Variants in KIF6 observed in about 807,000 individuals in gnomAD.
KIF6 encodes kinesin-like protein KIF6.
In KIF6, 106 loss-of-function variants were observed where a neutral mutation model predicts 112.7. The observed-to-expected ratio is 0.94, with a 90% CI of 0.80 to 1.11. KIF6 has a LOEUF of 1.11. Ranked by LOEUF, KIF6 falls within the 50% of genes least tolerant of loss-of-function variation. The pLI is 0.00. For synonymous variants in KIF6, 339 were observed against 339.9 expected, an observed-to-expected ratio of 1.00 and a Z score of 0.03; for missense variants, 929 against 964.0, an observed-to-expected ratio of 0.96 and a Z score of 0.48.
intron 9 of KIF6, 54 bp downstream of exon 9, chr6:39,584,844 T>A: frequency 8.9e-7 from 1 of 1,124,398 alleles, no homozygotes; most frequent in Non-Finnish European, 1.3e-6. Context: ...AAGTTTTAGC[T>A]AATCTTTGAT....
intron 3 of KIF6, among the ~76,000 whole-genome samples, chr6:39,659,191 C>T (rs972716488): frequency 1.3e-5 from 2 of 152,160 alleles, no homozygotes; most frequent in African/African-American, 2.4e-5. Flanking sequence ...CATAAAGATG[C>T]ATACAATAGG....
At chr6:39,402,482 G>T (rs919509886) in intron 15 of KIF6, among the ~76,000 whole-genome samples, 1 of 152,038 alleles carries the variant, frequency 6.6e-6, no homozygotes, top group African/African-American at 2.4e-5. Context: ...ATAACCAAAC[G>T]GTCTTTAAGT....
chr6:39,697,628 C>T (rs149768765), intron 3 of KIF6, among the ~76,000 whole-genome samples: 3,283 of 151,818 alleles, frequency 0.022, 107 homozygotes, highest in African/African-American at 0.075. Flanking sequence ...CTGTGACCTC[C>T]GCCTCCCAGG....
intron 13 of KIF6, among the ~76,000 whole-genome samples, chr6:39,447,431 C>T (rs1000355773): frequency 6.6e-6 from 1 of 152,026 alleles, no homozygotes; most frequent in Non-Finnish European, 1.5e-5. Context: ...ATTTCCCCCA[C>T]TGGATTATTT....
At chr6:39,534,022 T>G (rs1428847723) in intron 13 of KIF6, among the ~76,000 whole-genome samples, 1 of 152,058 alleles carries the variant, frequency 6.6e-6, no homozygotes, top group East Asian at 1.9e-4. Context: ...GAAGGAAAAC[T>G]AACAAACAGA....
At chr6:39,377,608 G>A (rs1262750870) in intron 16 of KIF6, among the ~76,000 whole-genome samples, 2 of 152,198 alleles carry the variant, frequency 1.3e-5, no homozygotes, top group Non-Finnish European at 2.9e-5. Flanking sequence ...AACAGCCGAG[G>A]CCTGTCTTTG....
At chr6:39,690,872 C>A (rs1417079651) in intron 3 of KIF6, 1 of 152,210 alleles carries the variant, frequency 6.6e-6, no homozygotes, top group Non-Finnish European at 1.5e-5. Context: ...AGAGTGTCCT[C>A]TGCGTAGTTC....
At chr6:39,585,032 T>A (rs1781545165) in intron 8 of KIF6, 48 bp from the exon 9 acceptor site, 1 of 1,054,122 alleles carries the variant, frequency 9.5e-7, no homozygotes, top group South Asian at 1.3e-5. Context: ...TAGAGAGATA[T>A]TTCTTTCTAG....
chr6:39,668,565 C>T (rs1436884471), intron 3 of KIF6, among the ~76,000 whole-genome samples: 4 of 152,274 alleles, frequency 2.6e-5, no homozygotes, highest in South Asian at 4.1e-4. Context: ...TTGAATACTT[C>T]GTGTGATGAG....
intron 15 of KIF6, among the ~76,000 whole-genome samples, chr6:39,398,127 T>C (rs1388401203): frequency 6.6e-6 from 1 of 152,224 alleles, no homozygotes; most frequent in Non-Finnish European, 1.5e-5. Context: ...ATGTTTTGTT[T>C]TGGTGAATAT....
Position 39,596,243 on chromosome 6 carries a change from A to C in KIF6, c.657T>G (p.Ala219=). 1 of 1,613,968 alleles carries C rather than the reference A, an allele frequency of 6.2e-7. No homozygotes were observed. The highest frequency in any genetic ancestry group is 8.5e-7 in the Non-Finnish European group (1 of 1,179,860). Residue 219 remains alanine, a synonymous_variant, in exon 7 of 23, where the codon GCT becomes GCG. Coordinates refer to ENST00000287152, the MANE Select transcript of KIF6 (RefSeq NM_145027.6). Reference sequence around the variant, plus strand: ...TGAAAATGCAGTGGGAACGGGTTGAAGCTTGGTTCATAGGAGTCTATAAAA... The same window carrying C: ...TGAAAATGCAGTGGGAACGGGTTGACGCTTGGTTCATAGGAGTCTATAAAA... The part of the protein sequence containing the change: ...RMIAETPMNQ[A]STRSHCIFTI...
intron 13 of KIF6, among the ~76,000 whole-genome samples, chr6:39,446,024 TGAA>T (rs1221258801): frequency 2.0e-5 from 3 of 152,172 alleles, no homozygotes; most frequent in Non-Finnish European, 2.9e-5. Flanking sequence ...TTCAGATGAT[TGAA>T]GAAGATTTCC....
rs1490063402 is a variant in KIF6, at chr6:39,342,599, TTA to T, written c.2428+1108_2428+1109del. ...CTTGGAGATCACTGAATCCAGTTTTTTATTTTTTTTTATTTTTTTTTATTTTT... is the reference window on the plus strand; with the variant it reads ...CTTGGAGATCACTGAATCCAGTTTTTTTTTTTTTTATTTTTTTTTATTTTT... On this transcript the variant is annotated intron_variant, in intron 22 of 22. Coordinates refer to ENST00000287152, the MANE Select transcript of KIF6 (RefSeq NM_145027.6). This position sits in a 1 kb window ranked among gnomAD's most constrained non-coding sequence, Gnocchi z 4.7. Among the ~76,000 whole-genome samples, 7 of 93,872 alleles carry T rather than the reference TTA, an allele frequency of 7.5e-5. No homozygotes were observed. The highest frequency in any genetic ancestry group is 2.4e-4 in the African/African-American group (3 of 12,680). The allele number at this position is 93,872 out of a possible 152,430, so 61.6% of individuals were successfully genotyped here.
chr6:39,346,515 C>T lies in KIF6; in HGVS notation c.2192G>A (p.Trp731Ter). 1.4e-6 allele frequency: 1 copy of T among 713,390 alleles called. No individual in the cohort carries two copies. The allele number at this position is 713,390 out of a possible 1,614,324, so 44.2% of individuals were successfully genotyped here. Residue 731 changes from tryptophan (W) to a stop codon, truncating the protein, a stop_gained, in exon 20 of 23, where the codon TGG becomes TAG. Coordinates refer to ENST00000287152, the MANE Select transcript of KIF6 (RefSeq NM_145027.6). LOFTEE classifies it high-confidence loss of function. ...GCCAGTGCCTTGATCTTGGACTTCC[C>T]AGCCTCCAGAACTGTGAAAAATAAA... is the stretch of plus-strand genomic sequence containing the variant. ...QLLSNKSSGGWEVQDQGTGRF... is the reference protein window; with the variant it reads ...QLLSNKSSGG
intron 7 of KIF6, among the ~76,000 whole-genome samples, chr6:39,592,961 T>C (rs1475875341): frequency 1.3e-5 from 2 of 152,206 alleles, no homozygotes; most frequent in Non-Finnish European, 2.9e-5. Context: ...GGTTTCCCAT[T>C]CCATCTCTGT....
intron 3 of KIF6, among the ~76,000 whole-genome samples, chr6:39,694,735 A>C (rs1191531514): frequency 6.6e-6 from 1 of 152,212 alleles, no homozygotes; most frequent in Non-Finnish European, 1.5e-5. Context: ...CAAAATGTCC[A>C]TACTGCCCAA....
intron 13 of KIF6, among the ~76,000 whole-genome samples, chr6:39,485,359 CT>C: frequency 6.6e-6 from 1 of 152,294 alleles, no homozygotes; most frequent in Non-Finnish European, 1.5e-5. Flanking sequence ...TTAAAAACCA[CT>C]ATCCCCCACC....
intron 19 of KIF6, among the ~76,000 whole-genome samples, chr6:39,356,249 T>C (rs1764675741): frequency 6.6e-6 from 1 of 151,806 alleles, no homozygotes; most frequent in African/African-American, 2.4e-5. Context: ...TCACATCATA[T>C]CATGGGGACT....
At chr6:39,634,487 T>C (rs191132002) in intron 5 of KIF6, among the ~76,000 whole-genome samples, 2 of 152,228 alleles carry the variant, frequency 1.3e-5, no homozygotes, top group Admixed American at 6.6e-5. Flanking sequence ...TTTGAATACC[T>C]TCTTCTCAGA....
Sources: allele counts gnomAD v4.1 joint callset (sites outside exome capture counted in the v4.1 genomes callset), GRCh38; gene constraint gnomAD v4.1.1; non-coding constraint Gnocchi (gnomAD v3.1); transcripts MANE v1.5; gene names NCBI Gene and HGNC (gene_info 2026-07-23, HGNC 2026-07-21).